The following FRMD4B variants were observed in gnomAD, a reference collection of about 807,000 sequenced individuals.
FRMD4B encodes FERM domain-containing protein 4B.
In FRMD4B, 74 loss-of-function variants were observed where a neutral mutation model predicts 141.5. That is an observed-to-expected ratio of 0.52 (90% CI 0.43 to 0.63). The LOEUF is 0.63. Among genes scored for constraint, FRMD4B ranks in the 30% least tolerant of loss-of-function variants. FRMD4B has a pLI of 0.00. For synonymous variants in FRMD4B, 506 were observed against 467.9 expected, an observed-to-expected ratio of 1.08 and a Z score of -1.05; for missense variants, 1,366 against 1,253.4, an observed-to-expected ratio of 1.09 and a Z score of -1.36.
chr3:69,468,055 A>G (rs1705823829), intron 1 of FRMD4B, among the ~76,000 whole-genome samples: 1 of 152,250 alleles, frequency 6.6e-6, no homozygotes, highest in African/African-American at 2.4e-5. Flanking sequence ...CAAAGAGCAA[A>G]TGTGCAATAA....
At chr3:69,308,302 G>C (rs1701459694) in intron 3 of FRMD4B, among the ~76,000 whole-genome samples, 1 of 152,180 alleles carries the variant, frequency 6.6e-6, no homozygotes, top group African/African-American at 2.4e-5. Context: ...GAAAACTTGA[G>C]TGTCAGAGAT....
At chr3:69,186,450 G>A (rs909596038) in intron 19 of FRMD4B, among the ~76,000 whole-genome samples, 4 of 152,080 alleles carry the variant, frequency 2.6e-5, no homozygotes, top group Admixed American at 6.6e-5. Context: ...ACTGGCTCAT[G>A]CCTGTAATCC....
chr3:69,255,117 A>C (rs1437039700), intron 5 of FRMD4B, among the ~76,000 whole-genome samples: 1 of 152,214 alleles, frequency 6.6e-6, no homozygotes, highest in Non-Finnish European at 1.5e-5. Context: ...TAGAGGTTCA[A>C]TGTTAAATTT....
chr3:69,405,628 C>T (rs1704638093), intron 2 of FRMD4B, among the ~76,000 whole-genome samples: 1 of 152,322 alleles, frequency 6.6e-6, no homozygotes, highest in Middle Eastern at 3.4e-3. Flanking sequence ...TACAAGGGCT[C>T]TTACCTTTGA....
intron 1 of FRMD4B, among the ~76,000 whole-genome samples, chr3:69,315,939 C>T (rs539948601): frequency 2.6e-4 from 39 of 152,300 alleles, no homozygotes; most frequent in Non-Finnish European, 5.0e-4. Flanking sequence ...TACCAACAAC[C>T]TATTCAGCAT....
intron 5 of FRMD4B, among the ~76,000 whole-genome samples, chr3:69,275,695 T>G (rs2093615003): frequency 6.6e-6 from 1 of 152,018 alleles, no homozygotes; most frequent in Non-Finnish European, 1.5e-5. Context: ...CCTCCCCAAA[T>G]GCCAGGATTA....
intron 2 of FRMD4B, among the ~76,000 whole-genome samples, chr3:69,428,040 G>A (rs965509221): frequency 2.6e-5 from 4 of 152,052 alleles, no homozygotes; most frequent in African/African-American, 7.2e-5. Context: ...AGCATCTACT[G>A]AAGAAAAGCT....
At chr3:69,197,653 G>A (rs999398708) in intron 12 of FRMD4B, 1 of 152,254 alleles carries the variant, frequency 6.6e-6, no homozygotes, top group Non-Finnish European at 1.5e-5. Context: ...GAGAGACAGA[G>A]AGAAAGAAAG....
chr3:69,422,914 A>G (rs1335569333), intron 2 of FRMD4B, among the ~76,000 whole-genome samples: 1 of 152,164 alleles, frequency 6.6e-6, no homozygotes, highest in Non-Finnish European at 1.5e-5. Context: ...TGATGGAGAG[A>G]CTGCTGAACT....
At chr3:69,454,029 C>T (rs1029749591) in intron 1 of FRMD4B, among the ~76,000 whole-genome samples, 1 of 152,168 alleles carries the variant, frequency 6.6e-6, no homozygotes, top group African/African-American at 2.4e-5. Context: ...CCTCCTCAGG[C>T]CTATACCATC....
chr3:69,428,339 G>T (rs1050530473), intron 2 of FRMD4B, among the ~76,000 whole-genome samples: 19 of 149,256 alleles, frequency 1.3e-4, no homozygotes, highest in Admixed American at 1.2e-3. Flanking sequence ...TCCTAGTTCT[G>T]CTGGGGATTA....
intron 1 of FRMD4B, among the ~76,000 whole-genome samples, chr3:69,453,067 G>A (rs994563882): frequency 2.0e-5 from 3 of 152,172 alleles, no homozygotes; most frequent in East Asian, 1.9e-4. Flanking sequence ...TGCCATGTGT[G>A]GCTAATGGCT....
intron 1 of FRMD4B, among the ~76,000 whole-genome samples, chr3:69,340,587 G>C (rs1232735741): frequency 6.6e-6 from 1 of 152,190 alleles, no homozygotes; most frequent in African/African-American, 2.4e-5. Flanking sequence ...TGGCTTAGAT[G>C]CTTTGCTAGT....
At chr3:69,387,797 C>A (rs1233317312), upstream of FRMD4B, among the ~76,000 whole-genome samples, 2 of 152,130 alleles carry the variant, frequency 1.3e-5, no homozygotes, top group Non-Finnish European at 2.9e-5. Context: ...AATGAGATTT[C>A]TTTCGTTAAT....
chr3:69,477,373 G>GT (rs536894308), intron 1 of FRMD4B, among the ~76,000 whole-genome samples: 3 of 146,084 alleles, frequency 2.1e-5, no homozygotes, highest in Admixed American at 2.0e-4. Context: ...TTTGAGATAC[G>GT]TCCCATCAAT....
At chr3:69,341,398 G>A (rs1371833747) in intron 1 of FRMD4B, among the ~76,000 whole-genome samples, 1 of 152,140 alleles carries the variant, frequency 6.6e-6, no homozygotes, top group African/African-American at 2.4e-5. Context: ...TCAACACAAG[G>A]CCAAATACCA....
intron 3 of FRMD4B, among the ~76,000 whole-genome samples, chr3:69,308,723 A>G (rs1701475126): frequency 6.6e-6 from 1 of 152,058 alleles, no homozygotes; most frequent in African/African-American, 2.4e-5. Flanking sequence ...TAGAGGTGTG[A>G]GCCACTGTGC....
chr3:69,436,076 T>G (rs1705254911), intron 1 of FRMD4B, among the ~76,000 whole-genome samples: 2 of 152,170 alleles, frequency 1.3e-5, no homozygotes, highest in Admixed American at 1.3e-4. Context: ...ACTCACTTGT[T>G]GAATTTGCAG....
At position 69,301,016 on chromosome 3, in the gene FRMD4B, G is replaced by A. The variant is rs192795587; in HGVS notation, c.416+1327C>T. On this transcript the variant is annotated intron_variant, in intron 4 of 22. Transcript: ENST00000398540. ...CTCCCAAAGTGCTGGGATTACAGGC[G>A]TGAGCCACCGCGCCTGGCTAGCTGC... Among the ~76,000 whole-genome samples the A allele has an allele frequency of 4.2e-3, 642 of 152,098 alleles. 6 individuals carry two copies. Among genetic ancestry groups the A allele is most frequent in the African/African-American group, 0.014 (589 of 41,488 alleles).
Sources: allele counts gnomAD v4.1 joint callset (sites outside exome capture counted in the v4.1 genomes callset), GRCh38; gene constraint gnomAD v4.1.1; transcripts MANE v1.5; gene names NCBI Gene and HGNC (gene_info 2026-07-23, HGNC 2026-07-21).